The following CNTNAP2 variants were observed in gnomAD, a reference collection of about 807,000 sequenced individuals.
CNTNAP2 encodes contactin-associated protein-like 2.
Under a neutral mutation model 155.2 loss-of-function variants are expected in CNTNAP2, and 98 were observed. The ratio of observed to expected loss-of-function variants is 0.63; its 90% CI spans 0.54 to 0.75. The LOEUF (loss-of-function observed/expected upper bound fraction) is 0.75, where lower values mean the gene tolerates loss of function less well. Ranked by LOEUF, CNTNAP2 falls within the 30% of genes least tolerant of loss-of-function variation. The probability of loss-of-function intolerance (pLI) is 0.00; values close to 1 mark genes in which losing one functional copy is unlikely to be tolerated. For synonymous variants in CNTNAP2, 651 were observed against 631.2 expected (o/e 1.03, Z -0.47); for missense variants, 1,727 against 1,688.1 (o/e 1.02, Z -0.40).
intron 3 of CNTNAP2, among the ~76,000 whole-genome samples, chr7:146,973,860 A>C (rs1332606207): frequency 6.6e-6 from 1 of 152,170 alleles, no homozygotes; most frequent in Non-Finnish European, 1.5e-5. Context: ...TAAAAGAAAT[A>C]ATCATAATCT....
chr7:147,176,648 A>T lies in CNTNAP2; in HGVS notation c.1348+44139A>T, dbSNP rs540128237. 8.0e-3 allele frequency among the ~76,000 whole-genome samples: 1,088 copies of T among 136,496 alleles called. 12 individuals carry two copies. Among genetic ancestry groups the T allele is most frequent in the African/African-American group, 0.028 (1,038 of 36,868 alleles). 89.5% of individuals were successfully genotyped at this position (136,496 alleles called of 152,430 possible). On this transcript the variant is annotated intron_variant, in intron 8 of 23. Coordinates refer to ENST00000361727, the MANE Select transcript of CNTNAP2 (RefSeq NM_014141.6). ...TACACACGTATAATATAATATTTAT[A>T]ATATAATAGAATTATATTCTGTATT...
chr7:146,759,631 G>A (rs1181136366), intron 1 of CNTNAP2, among the ~76,000 whole-genome samples: 3 of 139,906 alleles, frequency 2.1e-5, no homozygotes, highest in African/African-American at 7.9e-5. Flanking sequence ...GGAGTCAGAG[G>A]AGCTGAGATC....
At chr7:147,587,377 G>C (rs2116837588) in intron 12 of CNTNAP2, among the ~76,000 whole-genome samples, 1 of 152,282 alleles carries the variant, frequency 6.6e-6, no homozygotes, top group East Asian at 1.9e-4. Context: ...GCCTTCCTCT[G>C]TGCAAACCTC....
chr7:147,182,125 CAAAAAAA>C (rs10718876), intron 8 of CNTNAP2, among the ~76,000 whole-genome samples: 28 of 92,402 alleles, frequency 3.0e-4, no homozygotes, highest in Non-Finnish European at 4.1e-5. Context: ...GACTCCATCT[CAAAAAAA>C]AAAAAAAAAA....
At chr7:148,122,867 A>AAAAAAAAAAAAAAAAAAAAAG (rs543029148) in intron 16 of CNTNAP2, among the ~76,000 whole-genome samples, 7 of 150,708 alleles carry the variant, frequency 4.6e-5, no homozygotes, top group African/African-American at 1.7e-4. Context: ...AAAAAAAAAG[A>AAAAAAAAAAAAAAAAAAAAAG]AAAAAAAAGA....
Position 146,500,890 on chromosome 7 carries a change from T to C in CNTNAP2, c.98-273381T>C, listed in dbSNP as rs540106628. 3.9e-5 allele frequency among the ~76,000 whole-genome samples: 6 copies of C among 152,262 alleles called. No individual in the cohort carries two copies. In the East Asian group the frequency reaches 1.2e-3, roughly 29 times the overall value. On this transcript the variant is annotated intron_variant, in intron 1 of 23. Coordinates refer to ENST00000361727, the MANE Select transcript of CNTNAP2 (RefSeq NM_014141.6). ...TTGGCCTTTGTTAGGGTGAGGCAAT[T>C]TGCCTCTATTCTTAGTTTGTTGACT...
intron 13 of CNTNAP2, among the ~76,000 whole-genome samples, chr7:147,870,581 G>C (rs893619059): frequency 2.0e-5 from 3 of 152,204 alleles, no homozygotes; most frequent in Non-Finnish European, 4.4e-5. Context: ...TTGTGGCAGA[G>C]AAAACATGCT....
chr7:146,871,527 C>G (rs1020721905), intron 3 of CNTNAP2, among the ~76,000 whole-genome samples: 2 of 149,484 alleles, frequency 1.3e-5, no homozygotes, highest in Admixed American at 1.3e-4. Flanking sequence ...AAGGCTCCGT[C>G]TAAAAAAAAA....
At chr7:146,818,746 G>A (rs1330657494) in intron 2 of CNTNAP2, among the ~76,000 whole-genome samples, 1 of 151,864 alleles carries the variant, frequency 6.6e-6, no homozygotes, top group Non-Finnish European at 1.5e-5. Context: ...GTATTTTATG[G>A]GAATAATGAC....
intron 12 of CNTNAP2, among the ~76,000 whole-genome samples, chr7:147,610,721 G>A (rs773839222): frequency 2.0e-5 from 3 of 152,040 alleles, no homozygotes; most frequent in African/African-American, 7.2e-5. Flanking sequence ...TAAAACAGGA[G>A]CATCTGGCAT....
chr7:147,070,936 AGT>A (rs559952405), intron 4 of CNTNAP2, among the ~76,000 whole-genome samples: 13 of 150,172 alleles, frequency 8.7e-5, no homozygotes, highest in South Asian at 2.1e-4. Flanking sequence ...TACCACTGGC[AGT>A]GTGTGTGTGT....
rs193120684 is a variant in CNTNAP2 at position 147,699,792 on chromosome 7, T to G, written c.2098+60486T>G. On this transcript the variant is annotated intron_variant, in intron 13 of 23. Coordinates refer to ENST00000361727, the MANE Select transcript of CNTNAP2 (RefSeq NM_014141.6). ...CCAAAACTGTCTAGTCCTAAACATTTCATCACTCCCCCCAAAATTTCTAGA... is the reference window on the plus strand; with the variant it reads ...CCAAAACTGTCTAGTCCTAAACATTGCATCACTCCCCCCAAAATTTCTAGA... 6.6e-5 allele frequency among the ~76,000 whole-genome samples: 10 copies of G among 152,200 alleles called. 1 individual carries two copies. The East Asian group carries it at 1.7e-3, about 26-fold the overall frequency.
chr7:148,410,609 C>T (rs1799815473), intron 23 of CNTNAP2, among the ~76,000 whole-genome samples: 1 of 147,322 alleles, frequency 6.8e-6, no homozygotes, highest in Non-Finnish European at 1.5e-5. Context: ...AAATGCCAGT[C>T]TGATTTCAGT....
intron 8 of CNTNAP2, among the ~76,000 whole-genome samples, chr7:147,205,774 T>C (rs965365426): frequency 1.3e-5 from 2 of 151,538 alleles, no homozygotes; most frequent in Non-Finnish European, 2.9e-5. Flanking sequence ...TTAAGAAGAG[T>C]TGCTTAATGA....
chr7:147,634,085 C>T (rs574826086), intron 12 of CNTNAP2, among the ~76,000 whole-genome samples: 3 of 152,142 alleles, frequency 2.0e-5, no homozygotes, highest in Non-Finnish European at 4.4e-5. Flanking sequence ...ACCATTTGAT[C>T]CAGCAATCCC....
At chr7:147,045,671 T>C (rs1799343163) in intron 4 of CNTNAP2, among the ~76,000 whole-genome samples, 1 of 152,178 alleles carries the variant, frequency 6.6e-6, no homozygotes, top group African/African-American at 2.4e-5. Context: ...TAGACATTCA[T>C]GAACAGAGTG....
intron 13 of CNTNAP2, among the ~76,000 whole-genome samples, chr7:147,826,387 T>C (rs1471341574): frequency 6.6e-6 from 1 of 152,246 alleles, no homozygotes; most frequent in Non-Finnish European, 1.5e-5. Context: ...TAATTGGAAC[T>C]ATCCCAGAAT....
At chr7:147,398,695 G>T (rs142774433) in intron 10 of CNTNAP2, among the ~76,000 whole-genome samples, 1 of 137,924 alleles carries the variant, frequency 7.3e-6, no homozygotes, top group Admixed American at 8.0e-5. Context: ...AAGCAAGCTT[G>T]CCAAGCTACA....
rs187753521 is a variant in CNTNAP2, at chr7:146,582,256, C to T, written c.98-192015C>T. Among the ~76,000 whole-genome samples, 251 of 152,154 alleles carry T rather than the reference C, an allele frequency of 1.6e-3. 2 individuals are homozygous for T. The highest frequency in any genetic ancestry group is 3.9e-3 in the African/African-American group (164 of 41,540). ...ATTATATTTTCACATCTGTTTTTGT[C>T]GTTTGCATGCATATAGAATCACACA... is the stretch of plus-strand genomic sequence containing the variant. On this transcript the variant is annotated intron_variant, in intron 1 of 23. Transcript: ENST00000361727.
Sources: allele counts gnomAD v4.1 joint callset (sites outside exome capture counted in the v4.1 genomes callset), GRCh38; gene constraint gnomAD v4.1.1; transcripts MANE v1.5; gene names NCBI Gene and HGNC (gene_info 2026-07-23, HGNC 2026-07-21).